Variants in HVCN1 observed in about 807,000 individuals in gnomAD.
HVCN1 encodes voltage-gated hydrogen channel 1.
Under a neutral mutation model 29.2 loss-of-function variants are expected in HVCN1, and 14 were observed. The observed-to-expected ratio is 0.48, with a 90% confidence interval of 0.32 to 0.75. The LOEUF is 0.75. HVCN1 is among the 30% of genes least tolerant of loss of function. The pLI, the probability that HVCN1 is intolerant of heterozygous loss-of-function variation, is 0.04. For synonymous variants in HVCN1, 131 were observed against 133.2 expected (o/e 0.98, Z 0.11); for missense variants, 263 against 341.8 (o/e 0.77, Z 1.82).
At chr12:110,663,973 AG>A (rs2068263872) in intron 3 of HVCN1, among the ~76,000 whole-genome samples, 1 of 152,132 alleles carries the variant, frequency 6.6e-6, no homozygotes, top group East Asian at 1.9e-4. Flanking sequence ...GGCTAGATGC[AG>A]GGGTGCGATC....
chr12:110,649,465 A>G lies in HVCN1; in HGVS notation c.767T>C (p.Ile256Thr). 1 of 1,604,068 alleles carries G rather than the reference A, an allele frequency of 6.2e-7. No homozygotes were observed. The highest frequency in any genetic ancestry group is 2.2e-5 in the East Asian group (1 of 44,806). Residue 256 changes from isoleucine (I) to threonine (T), a missense_variant, in exon 8 of 8, where the codon ATT becomes ACT. This residue lies in a region of HVCN1 where 51 missense variants were observed against 51.1 expected (regional missense o/e 1.00). Coordinates refer to ENST00000242607, the MANE Select transcript of HVCN1 (RefSeq NM_032369.4). Reference sequence around the variant, plus strand: ...TCGCAATAGTTTGTTAAGTCTTTCAATTTCTTGTTCCTATTGCAAAAGCAG... The same window carrying G: ...TCGCAATAGTTTGTTAAGTCTTTCAGTTTCTTGTTCCTATTGCAAAAGCAG... ...EFSCSEKEQE[I>T]ERLNKLLRQH...
At chr12:110,688,882 C>T (rs1054712183) in intron 1 of HVCN1, among the ~76,000 whole-genome samples, 174 bp from the exon 2 acceptor site, 3 of 152,204 alleles carry the variant, frequency 2.0e-5, no homozygotes, top group Non-Finnish European at 4.4e-5. Context: ...CGAGGGGAAG[C>T]ACTGCCCGCC....
At position 110,663,254 on chromosome 12, in the gene HVCN1, A is replaced by G. The variant is rs11065690; in HGVS notation, c.22-1806T>C. On this transcript the variant is annotated intron_variant, in intron 3 of 7. Transcript: ENST00000242607. ...TATCCCTACATAGGGTCCAAAGAGA[A>G]ACTTGGGCACATGTGCTCAAATTGG... Among the ~76,000 whole-genome samples the G allele has an allele frequency of 2.7e-3, 410 of 152,226 alleles. 2 individuals are homozygous for G. Among genetic ancestry groups the G allele is most frequent in the Non-Finnish European group, 4.4e-3 (299 of 68,016 alleles).
intron 3 of HVCN1, among the ~76,000 whole-genome samples, chr12:110,665,324 G>A (rs1466900108): frequency 7.2e-5 from 11 of 152,178 alleles, no homozygotes; most frequent in African/African-American, 1.9e-4. Context: ...TTGGGAGGCC[G>A]AGGTGGGCAG....
upstream of HVCN1, among the ~76,000 whole-genome samples, chr12:110,693,562 G>GA (rs921760811): frequency 6.7e-6 from 1 of 148,836 alleles, no homozygotes; most frequent in South Asian, 2.1e-4. Context: ...AAAAAAAACG[G>GA]AAAAAAAAAC....
At position 110,661,140 on chromosome 12, in the gene HVCN1, A is replaced by G. The variant is rs1375266580; in HGVS notation, c.306+24T>C. On this transcript the variant is annotated intron_variant, in intron 4 of 7. Transcript: ENST00000242607. This position sits in a 1 kb window ranked among gnomAD's most constrained non-coding sequence, Gnocchi z 6.2. ...GATGGCTCTCCTGCCAGCTCTGGGT[A>G]TCCCGGACTCCTGCCCCACCTACCT... The G allele has an allele frequency of 6.4e-7, 1 of 1,570,602 alleles. No homozygotes were observed. Among genetic ancestry groups the G allele is most frequent in the Admixed American group, 1.8e-5 (1 of 56,518 alleles).
chr12:110,670,643 C>T (rs545367851), intron 3 of HVCN1, among the ~76,000 whole-genome samples: 2 of 152,294 alleles, frequency 1.3e-5, no homozygotes, highest in South Asian at 4.1e-4. Context: ...TGCCCCTGGG[C>T]TCCATGACTT....
upstream of HVCN1, among the ~76,000 whole-genome samples, chr12:110,693,231 A>G (rs918578633): frequency 6.6e-6 from 1 of 152,028 alleles, no homozygotes; most frequent in Non-Finnish European, 1.5e-5. Flanking sequence ...GTAGGTAACA[A>G]ATTACAGTTG....
intron 5 of HVCN1, among the ~76,000 whole-genome samples, chr12:110,653,839 AAAAT>A (rs1175343455): frequency 6.6e-6 from 1 of 152,166 alleles, no homozygotes; most frequent in Non-Finnish European, 1.5e-5. Flanking sequence ...CTGTCTCAAA[AAAAT>A]AAAGAGAGAC....
chr12:110,703,841 T>C (rs1444208893), intron 1 of HVCN1, among the ~76,000 whole-genome samples: 40 of 152,146 alleles, frequency 2.6e-4, no homozygotes, highest in Admixed American at 2.6e-3. Flanking sequence ...TGCGCCACCA[T>C]GCCTGGCTAA....
chr12:110,670,645 C>G (rs1053919612), intron 3 of HVCN1, among the ~76,000 whole-genome samples: 3 of 152,076 alleles, frequency 2.0e-5, no homozygotes, highest in African/African-American at 4.8e-5. Flanking sequence ...CCCCTGGGCT[C>G]CATGACTTGG....
intron 3 of HVCN1, among the ~76,000 whole-genome samples, chr12:110,671,287 C>T (rs2068566388): frequency 6.6e-6 from 1 of 152,150 alleles, no homozygotes; most frequent in South Asian, 2.1e-4. Context: ...TGCCATTGCA[C>T]TCCAGCCTGG....
At chr12:110,688,043 C>A (rs141042288) in intron 2 of HVCN1, 1 of 152,236 alleles carries the variant, frequency 6.6e-6, no homozygotes, top group Non-Finnish European at 1.5e-5. Context: ...TCTCAGATAG[C>A]CCTGAACAAC....
chr12:110,651,013 T>G (rs1593428594), intron 6 of HVCN1, among the ~76,000 whole-genome samples: 1 of 152,252 alleles, frequency 6.6e-6, no homozygotes, highest in East Asian at 1.9e-4. Flanking sequence ...TCATTTTATT[T>G]GCTTGACGTA....
chr12:110,682,268 G>A (rs2069008211), intron 3 of HVCN1, among the ~76,000 whole-genome samples: 1 of 151,972 alleles, frequency 6.6e-6, no homozygotes, highest in Non-Finnish European at 1.5e-5. Flanking sequence ...AATTACAGGC[G>A]TGAGCCACCG....
intron 3 of HVCN1, among the ~76,000 whole-genome samples, chr12:110,663,149 C>T (rs2068232951): frequency 6.6e-6 from 1 of 152,150 alleles, no homozygotes; most frequent in Non-Finnish European, 1.5e-5. Flanking sequence ...CAGGCACCAG[C>T]ACCATCATTT....
intron 3 of HVCN1, among the ~76,000 whole-genome samples, chr12:110,682,119 C>T (rs1311743694): frequency 6.6e-6 from 1 of 152,170 alleles, no homozygotes; most frequent in Non-Finnish European, 1.5e-5. Context: ...TCCTAAGCAG[C>T]TGGGATTAGA....
At chr12:110,686,752 T>C (rs748354530) in intron 2 of HVCN1, among the ~76,000 whole-genome samples, 3 of 152,196 alleles carry the variant, frequency 2.0e-5, no homozygotes, top group Non-Finnish European at 4.4e-5. Context: ...CACACATTCC[T>C]GGGGATGATT....
At chr12:110,687,597 T>C (rs1402832172) in intron 2 of HVCN1, among the ~76,000 whole-genome samples, 1 of 151,156 alleles carries the variant, frequency 6.6e-6, no homozygotes, top group East Asian at 1.9e-4. Context: ...TGGATGGAAG[T>C]GAGGGGTCCA....
Sources: allele counts gnomAD v4.1 joint callset (sites outside exome capture counted in the v4.1 genomes callset), GRCh38; gene constraint gnomAD v4.1.1; regional missense constraint gnomAD v4.1.1; non-coding constraint Gnocchi (gnomAD v3.1); transcripts MANE v1.5; gene names NCBI Gene and HGNC (gene_info 2026-07-23, HGNC 2026-07-21).